Variants in XIRP2 observed in about 807,000 individuals in gnomAD.
XIRP2 encodes the protein xin actin-binding repeat-containing protein 2.
Under a neutral mutation model 277.0 loss-of-function variants are expected in XIRP2, and 236 were observed. The observed-to-expected ratio is 0.85, with a 90% CI of 0.77 to 0.95. XIRP2 has a LOEUF of 0.95. XIRP2 is among the 40% of genes least tolerant of loss of function. The pLI, the probability that XIRP2 is intolerant of heterozygous loss-of-function variation, is 0.00. For missense variants in XIRP2, 4,640 were observed against 4,157.5 expected (o/e 1.12, Z -3.19); for synonymous variants, 1,490 against 1,416.5 (o/e 1.05, Z -1.17).
chr2:167,196,483 G>A (rs1483996611), intron 3 of XIRP2, among the ~76,000 whole-genome samples: 1 of 151,150 alleles, frequency 6.6e-6, no homozygotes, highest in African/African-American at 2.4e-5. Flanking sequence ...TGTTATTTGT[G>A]TGTCTAGTCA....
intron 2 of XIRP2, among the ~76,000 whole-genome samples, chr2:166,995,464 T>C (rs1231218500): frequency 6.6e-6 from 1 of 152,186 alleles, no homozygotes; most frequent in African/African-American, 2.4e-5. Context: ...TATGAGGCAA[T>C]TTTAAAGATG....
chr2:167,223,299 T>C lies in XIRP2; in HGVS notation c.858+4999T>C, dbSNP rs573885837. On this transcript the variant is annotated intron_variant, in intron 5 of 10. Coordinates refer to ENST00000409195, the MANE Select transcript of XIRP2 (RefSeq NM_152381.6). ...ATAAGTGCAATCCAGTGCTGAGGTA[T>C]TTGCTTTCATATGAAATTGCTGCAC... Among the ~76,000 whole-genome samples the C allele has an allele frequency of 1.4e-4, 21 of 152,276 alleles. 1 individual carries two copies. In the South Asian group the frequency reaches 4.1e-3, roughly 30 times the overall value.
At chr2:167,207,587 C>T (rs902356124) in intron 3 of XIRP2, among the ~76,000 whole-genome samples, 22 of 152,176 alleles carry the variant, frequency 1.4e-4, no homozygotes, top group Admixed American at 8.5e-4. Context: ...TTCAGGAAGG[C>T]ATAATGAATT....
At chr2:166,908,536 T>A (rs1405039709) in intron 2 of XIRP2, among the ~76,000 whole-genome samples, 1 of 152,202 alleles carries the variant, frequency 6.6e-6, no homozygotes, top group Non-Finnish European at 1.5e-5. Context: ...GATGAGTAGA[T>A]TGCAAAAATT....
intron 2 of XIRP2, among the ~76,000 whole-genome samples, chr2:166,956,253 CA>C (rs761744025): frequency 6.6e-6 from 1 of 151,806 alleles, no homozygotes; most frequent in Non-Finnish European, 1.5e-5. Flanking sequence ...TTATGATGAG[CA>C]TTTTTTTGTG....
chr2:166,918,995 A>G (rs1684962660), intron 2 of XIRP2, among the ~76,000 whole-genome samples: 1 of 152,080 alleles, frequency 6.6e-6, no homozygotes, highest in South Asian at 2.1e-4. Context: ...AATTCAAAAT[A>G]CTTAACGTAA....
chr2:167,096,293 A>C (rs763226768), intron 2 of XIRP2, among the ~76,000 whole-genome samples: 1 of 151,568 alleles, frequency 6.6e-6, no homozygotes, highest in Non-Finnish European at 1.5e-5. Flanking sequence ...GTATGTGTCG[A>C]GGAATTTATC....
chr2:167,020,687 G>C (rs1687958838), intron 2 of XIRP2, among the ~76,000 whole-genome samples: 1 of 152,122 alleles, frequency 6.6e-6, no homozygotes, highest in South Asian at 2.1e-4. Context: ...GACAAACACA[G>C]ATGGTTAATT....
rs576713819 is a variant in XIRP2, at chr2:167,182,800, G to T, written c.563-27935G>T. On this transcript the variant is annotated intron_variant, in intron 3 of 10. Transcript: ENST00000409195. Reference sequence around the variant, plus strand: ...CACAATTTCTTTATAAAATGTAAATGGTTCTCTTAAAGGAAAATTAAAGAA... The same window carrying T: ...CACAATTTCTTTATAAAATGTAAATTGTTCTCTTAAAGGAAAATTAAAGAA... 1.6e-3 allele frequency among the ~76,000 whole-genome samples: 238 copies of T among 151,802 alleles called. 2 individuals are homozygous for T. The highest frequency in any genetic ancestry group is 2.8e-3 in the Non-Finnish European group (190 of 67,918).
At chr2:167,197,001 C>CTA (rs1258139933) in intron 3 of XIRP2, among the ~76,000 whole-genome samples, 1 of 152,096 alleles carries the variant, frequency 6.6e-6, no homozygotes. Context: ...CTTTGTGCAG[C>CTA]TATATAATAA....
intron 2 of XIRP2, among the ~76,000 whole-genome samples, chr2:167,032,675 G>A (rs1688397459): frequency 6.6e-6 from 1 of 152,042 alleles, no homozygotes. Context: ...CATTTATGCA[G>A]CCAAAAATAT....
At chr2:167,096,541 T>A (rs1211795857) in intron 2 of XIRP2, among the ~76,000 whole-genome samples, 1 of 152,202 alleles carries the variant, frequency 6.6e-6, no homozygotes, top group Non-Finnish European at 1.5e-5. Flanking sequence ...TTCATGTCTC[T>A]ATCTCCTTCA....
At position 167,259,369 on chromosome 2, in the gene XIRP2, C is replaced by G; in HGVS notation, c.*1552C>G. On this transcript the variant is annotated 3_prime_UTR_variant, in exon 11 of 11. Coordinates refer to ENST00000409195, the MANE Select transcript of XIRP2 (RefSeq NM_152381.6). ...GCTACAGTGACACTGAGTAAAATAT[C>G]TATGGCCACTGACAGTCCACACTTA... 6.3e-7 allele frequency: 1 copy of G among 1,591,808 alleles called. No individual in the cohort carries two copies. The highest frequency in any genetic ancestry group is 8.5e-7 in the Non-Finnish European group (1 of 1,170,966).
intron 2 of XIRP2, among the ~76,000 whole-genome samples, chr2:167,078,111 C>G (rs1689621984): frequency 6.6e-6 from 1 of 152,168 alleles, no homozygotes; most frequent in Admixed American, 6.5e-5. Flanking sequence ...AATCCATGAG[C>G]ATGGAATGTT....
At chr2:167,158,320 G>A (rs567959839) in intron 3 of XIRP2, among the ~76,000 whole-genome samples, 2 of 152,298 alleles carry the variant, frequency 1.3e-5, no homozygotes, top group Non-Finnish European at 2.9e-5. Context: ...GATGTTCAGT[G>A]TATTTTTACC....
At chr2:166,952,758 C>T (rs1263057457) in intron 2 of XIRP2, among the ~76,000 whole-genome samples, 2 of 151,770 alleles carry the variant, frequency 1.3e-5, no homozygotes, top group Non-Finnish European at 2.9e-5. Flanking sequence ...CTAAAAGTCT[C>T]ATTTCAAATA....
chr2:167,176,485 T>C (rs1255350052), intron 3 of XIRP2, among the ~76,000 whole-genome samples: 1 of 152,220 alleles, frequency 6.6e-6, no homozygotes, highest in African/African-American at 2.4e-5. Context: ...AAAGTTTCTA[T>C]TGAATAATTT....
chr2:167,147,226 G>A (rs1440262184), intron 3 of XIRP2, among the ~76,000 whole-genome samples: 1 of 152,160 alleles, frequency 6.6e-6, no homozygotes, highest in Non-Finnish European at 1.5e-5. Flanking sequence ...CAAACCAACT[G>A]CCTATATAAA....
At chr2:167,184,520 G>C in intron 3 of XIRP2, 1 of 712,746 alleles carries the variant, frequency 1.4e-6, no homozygotes, top group Non-Finnish European at 2.6e-6. Context: ...CAAAGGTTCT[G>C]CTGTTTTTCT....
Sources: allele counts gnomAD v4.1 joint callset (sites outside exome capture counted in the v4.1 genomes callset), GRCh38; gene constraint gnomAD v4.1.1; transcripts MANE v1.5; gene names NCBI Gene and HGNC (gene_info 2026-07-23, HGNC 2026-07-21).